Variants in CLVS1 observed in about 807,000 individuals in gnomAD.
CLVS1 encodes clavesin-1.
CLVS1 carries 10 observed loss-of-function variants against 33.1 expected under a neutral mutation model. That is an observed-to-expected ratio of 0.30 (90% CI 0.19 to 0.51). CLVS1 has a LOEUF of 0.51. Among genes scored for constraint, CLVS1 ranks in the 20% least tolerant of loss-of-function variants. The probability of loss-of-function intolerance (pLI) is 0.97; values close to 1 mark genes in which losing one functional copy is unlikely to be tolerated. For synonymous variants in CLVS1, 163 were observed against 166.1 expected, an observed-to-expected ratio of 0.98 and a Z score of 0.14; for missense variants, 343 against 433.4, an observed-to-expected ratio of 0.79 and a Z score of 1.85.
the CLVS1 span, among the ~76,000 whole-genome samples, chr8:61,000,689 C>T: frequency 6.6e-6 from 1 of 152,230 alleles, no homozygotes; most frequent in Non-Finnish European, 1.5e-5. Flanking sequence ...AATTCCAGCT[C>T]AATATGTAAT....
At chr8:61,038,219 A>G in the CLVS1 span, among the ~76,000 whole-genome samples, 5,957 of 152,162 alleles carry the variant, frequency 0.039, 391 homozygotes, top group African/African-American at 0.14. Flanking sequence ...GAAGCATCTC[A>G]GGAGTGGATA....
chr8:61,127,853 G>C (rs1172405607), intron 1 of CLVS1, among the ~76,000 whole-genome samples: 2 of 152,140 alleles, frequency 1.3e-5, no homozygotes, highest in Admixed American at 1.3e-4. Flanking sequence ...AATACTACTA[G>C]CATTCTATTT....
At chr8:61,222,990 A>C (rs1219771103) in intron 2 of CLVS1, among the ~76,000 whole-genome samples, 1 of 39,282 alleles carries the variant, frequency 2.5e-5, no homozygotes, top group African/African-American at 1.6e-4. Flanking sequence ...CTAGGATTGC[A>C]AAAAAAAAGA....
At chr8:61,172,853 G>A (rs970122346) in intron 2 of CLVS1, among the ~76,000 whole-genome samples, 2 of 152,116 alleles carry the variant, frequency 1.3e-5, no homozygotes, top group Admixed American at 1.3e-4. Context: ...TCTTCTTCAG[G>A]TGATGGAAAA....
At chr8:61,208,066 C>A (rs538656452) in intron 2 of CLVS1, among the ~76,000 whole-genome samples, 1 of 152,358 alleles carries the variant, frequency 6.6e-6, no homozygotes, top group South Asian at 2.1e-4. Flanking sequence ...CCATTGTCAT[C>A]ACCTTTTCTC....
intron 2 of CLVS1, among the ~76,000 whole-genome samples, chr8:61,270,981 AT>A (rs1183323107): frequency 6.6e-6 from 1 of 150,686 alleles, no homozygotes; most frequent in Non-Finnish European, 1.5e-5. Context: ...GGATTCATTA[AT>A]TTTTTGAAGG....
chr8:61,000,562 G>T, the CLVS1 span, among the ~76,000 whole-genome samples: 2 of 152,130 alleles, frequency 1.3e-5, no homozygotes, highest in Non-Finnish European at 2.9e-5. Flanking sequence ...CCATTTGTTT[G>T]GGCTTTATAG....
At chr8:61,372,848 A>C (rs948727213) in intron 2 of CLVS1, among the ~76,000 whole-genome samples, 8 of 152,186 alleles carry the variant, frequency 5.3e-5, no homozygotes, top group African/African-American at 1.9e-4. Context: ...TGGGAGGAAG[A>C]TCATAGAGGT....
At chr8:61,070,787 C>A (rs1335063256) in intron 1 of CLVS1, among the ~76,000 whole-genome samples, 2 of 152,198 alleles carry the variant, frequency 1.3e-5, no homozygotes, top group African/African-American at 2.4e-5. Context: ...CTACAGTGAG[C>A]CATGATTGCA....
intron 1 of CLVS1, among the ~76,000 whole-genome samples, chr8:61,118,259 CTCTT>C (rs1031762568): frequency 1.3e-4 from 20 of 151,224 alleles, no homozygotes; most frequent in Non-Finnish European, 2.9e-4. Context: ...AGATTCTTCT[CTCTT>C]TTTTTCTTTA....
In CLVS1 at chr8:61,183,902, T is replaced by C. The variant is rs532945374; in HGVS notation, c.-152+52042T>C. ...CAACGTTAGGGTATAATAAAAGACA[T>C]GCTAATGGGAAGATGTGTTTTCCTC... On this transcript the variant is annotated intron_variant, in intron 2 of 2. Transcript: ENST00000522621. Among the ~76,000 whole-genome samples the C allele has an allele frequency of 8.5e-5, 13 of 152,222 alleles. No individual in the cohort carries two copies. In the South Asian group the frequency reaches 1.5e-3, roughly 17 times the overall value.
At chr8:61,192,399 G>A (rs4302832) in intron 2 of CLVS1, among the ~76,000 whole-genome samples, 32,156 of 152,066 alleles carry the variant, frequency 0.21, 3,561 homozygotes, top group Admixed American at 0.28. Flanking sequence ...AGACTTAAAC[G>A]TTAAACCTAA....
intron 2 of CLVS1, among the ~76,000 whole-genome samples, chr8:61,247,197 T>C (rs1369139984): frequency 6.6e-6 from 1 of 152,230 alleles, no homozygotes; most frequent in African/African-American, 2.4e-5. Context: ...CAGTCTGTCA[T>C]TGATGAGCAT....
At chr8:61,489,742 C>A (rs527565874) in intron 5 of CLVS1, among the ~76,000 whole-genome samples, 4 of 152,228 alleles carry the variant, frequency 2.6e-5, no homozygotes, top group Admixed American at 2.6e-4. Context: ...ATATTGAAAT[C>A]ATCTTTTCCA....
the CLVS1 span, among the ~76,000 whole-genome samples, chr8:60,969,166 T>A: frequency 2.6e-5 from 4 of 152,190 alleles, no homozygotes; most frequent in Non-Finnish European, 5.9e-5. Flanking sequence ...TGGTCTCTTA[T>A]CAGGAGAAAG....
chr8:61,381,452 T>C (rs1045471043), intron 3 of CLVS1, among the ~76,000 whole-genome samples: 18 of 152,194 alleles, frequency 1.2e-4, no homozygotes, highest in African/African-American at 4.1e-4. Context: ...ACTTTTATTT[T>C]AGGCTCATGG....
At chr8:61,095,988 CAG>C (rs917153330) in intron 1 of CLVS1, among the ~76,000 whole-genome samples, 5 of 152,114 alleles carry the variant, frequency 3.3e-5, no homozygotes, top group Non-Finnish European at 5.9e-5. Context: ...ACAGAGGAAA[CAG>C]AGAAGAGTCA....
At chr8:61,192,930 A>C (rs1172490832) in intron 2 of CLVS1, among the ~76,000 whole-genome samples, 1 of 152,218 alleles carries the variant, frequency 6.6e-6, no homozygotes, top group Non-Finnish European at 1.5e-5. Context: ...TGGAACTGTA[A>C]ACTGGTTCAA....
At chr8:60,976,504 T>A in the CLVS1 span, among the ~76,000 whole-genome samples, 14 of 152,100 alleles carry the variant, frequency 9.2e-5, no homozygotes, top group Non-Finnish European at 1.9e-4. Context: ...ACTACAGGTG[T>A]TTGCCACCAG....
Sources: allele counts gnomAD v4.1 joint callset (sites outside exome capture counted in the v4.1 genomes callset), GRCh38; gene constraint gnomAD v4.1.1; transcripts MANE v1.5; gene names NCBI Gene and HGNC (gene_info 2026-07-23, HGNC 2026-07-21).